CHRM2: variants seen among roughly 807,000 people sequenced by gnomAD.
CHRM2 encodes the protein muscarinic acetylcholine receptor M2.
Under a neutral mutation model 25.0 loss-of-function variants are expected in CHRM2, and 8 were observed. That is an observed-to-expected ratio of 0.32 (90% CI 0.19 to 0.58). The LOEUF (loss-of-function observed/expected upper bound fraction) is 0.58. Ranked by LOEUF, CHRM2 falls within the 20% of genes least tolerant of loss-of-function variation. The pLI, the probability that CHRM2 is intolerant of heterozygous loss-of-function variation, is 0.88. For synonymous variants in CHRM2, 202 were observed against 205.7 expected, an observed-to-expected ratio of 0.98 and a Z score of 0.15; for missense variants, 440 against 567.1, an observed-to-expected ratio of 0.78 and a Z score of 2.28.
intron 2 of CHRM2, among the ~76,000 whole-genome samples, chr7:136,955,005 C>T (rs1003442874): frequency 6.6e-6 from 1 of 152,084 alleles, no homozygotes; most frequent in Non-Finnish European, 1.5e-5. Context: ...GTATTAATAC[C>T]CCTACTAGTA....
intron 2 of CHRM2, among the ~76,000 whole-genome samples, chr7:136,990,930 T>G (rs1177869316): frequency 1.3e-5 from 2 of 152,148 alleles, no homozygotes; most frequent in African/African-American, 2.4e-5. Flanking sequence ...AAATGTGTAG[T>G]AGTTATCTCA....
At chr7:137,006,192 C>T (rs1186171266) in intron 3 of CHRM2, among the ~76,000 whole-genome samples, 2 of 152,088 alleles carry the variant, frequency 1.3e-5, no homozygotes, top group Non-Finnish European at 2.9e-5. Context: ...GATGGAATTT[C>T]ATTTTTAAAA....
intron 2 of CHRM2, among the ~76,000 whole-genome samples, chr7:136,924,866 G>A (rs35061417): frequency 0.061 from 9,272 of 152,150 alleles, 418 homozygotes; most frequent in Non-Finnish European, 0.089. Context: ...TCTTCTGGGC[G>A]TAACACAGAG....
intron 2 of CHRM2, among the ~76,000 whole-genome samples, chr7:136,990,796 G>GAATT (rs1453703595): frequency 3.3e-5 from 5 of 152,200 alleles, no homozygotes; most frequent in South Asian, 4.1e-4. Context: ...AGAAACCACT[G>GAATT]AATTATCTTC....
intron 2 of CHRM2, among the ~76,000 whole-genome samples, chr7:136,959,125 C>T (rs1800907008): frequency 6.6e-6 from 1 of 152,198 alleles, no homozygotes; most frequent in Admixed American, 6.5e-5. Flanking sequence ...TCACCTTTCT[C>T]TTATCTCCTT....
chr7:136,999,318 C>A (rs928742630), intron 3 of CHRM2, among the ~76,000 whole-genome samples: 1 of 152,100 alleles, frequency 6.6e-6, no homozygotes, highest in African/African-American at 2.4e-5. Flanking sequence ...ACCACCATGG[C>A]ACACGTTTAT....
intron 2 of CHRM2, chr7:136,903,172 G>C (rs531611754): frequency 1.9e-6 from 1 of 534,142 alleles, no homozygotes; most frequent in African/African-American, 1.9e-5. Flanking sequence ...CTTTATGGAG[G>C]CCTTGCTGGT....
intron 2 of CHRM2, among the ~76,000 whole-genome samples, chr7:136,974,206 G>A (rs183504998): frequency 7.0e-4 from 106 of 152,240 alleles, no homozygotes; most frequent in African/African-American, 2.2e-3. Context: ...CACAGAGAGG[G>A]ATATCATGAT....
chr7:136,902,440 G>C (rs1698961341), intron 2 of CHRM2: 1 of 151,990 alleles, frequency 6.6e-6, no homozygotes, highest in Admixed American at 6.6e-5. Context: ...CTTTTTATCT[G>C]TCTCTTTCTA....
intron 2 of CHRM2, among the ~76,000 whole-genome samples, chr7:136,915,069 G>T (rs946414745): frequency 6.6e-6 from 1 of 151,754 alleles, no homozygotes; most frequent in African/African-American, 2.4e-5. Context: ...ACTTTTAGGA[G>T]TTAGCATCAT....
chr7:136,914,832 A>G (rs1015802639), intron 2 of CHRM2, among the ~76,000 whole-genome samples: 1 of 151,952 alleles, frequency 6.6e-6, no homozygotes, highest in African/African-American at 2.4e-5. Flanking sequence ...AATTACATAC[A>G]AATGTTTGTT....
chr7:136,933,031 A>AAAAT (rs576034444), intron 2 of CHRM2, among the ~76,000 whole-genome samples: 2,947 of 146,406 alleles, frequency 0.02, 40 homozygotes, highest in African/African-American at 0.027. Flanking sequence ...CTCTGTTTCA[A>AAAAT]AAATAAATAA....
intron 3 of CHRM2, among the ~76,000 whole-genome samples, chr7:137,000,571 G>GGAAGGAAGGAAA (rs1554434095): frequency 6.7e-6 from 1 of 148,674 alleles, no homozygotes; most frequent in African/African-American, 2.5e-5. Context: ...AAGGAAGGAA[G>GGAAGGAAGGAAA]GAAGGAAGGA....
intron 2 of CHRM2, among the ~76,000 whole-genome samples, chr7:136,975,691 T>C (rs1370211369): frequency 6.6e-6 from 1 of 152,244 alleles, no homozygotes; most frequent in Non-Finnish European, 1.5e-5. Context: ...AAGAGTGCTA[T>C]AAGATTTCCA....
At position 137,016,322 on chromosome 7, in the gene CHRM2, G is replaced by A. The variant is rs994749192; in HGVS notation, c.*56G>A. ...AGGGGAGCTTGAGAAGAATAAAAGG[G>A]ATAAACGAGCTCCTAGTTTTAAAAT... On this transcript the variant is annotated 3_prime_UTR_variant, in exon 4 of 4. Coordinates refer to ENST00000680005, the MANE Select transcript of CHRM2 (RefSeq NM_001006630.2). 2.0e-6 allele frequency: 3 copies of A among 1,524,456 alleles called. No homozygotes were observed. Among genetic ancestry groups the A allele is most frequent in the Non-Finnish European group, 2.7e-6 (3 of 1,100,646 alleles). 94.4% of individuals were successfully genotyped at this position (1,524,456 alleles called of 1,614,324 possible). A position where few individuals can be genotyped will look rare whatever the true frequency, so the allele number is the denominator to read the frequency against.
chr7:136,948,988 G>A (rs377420329), intron 2 of CHRM2, among the ~76,000 whole-genome samples: 112 of 152,282 alleles, frequency 7.4e-4, no homozygotes, highest in Admixed American at 1.4e-3. Flanking sequence ...TGAAGGGGGC[G>A]TGATAGAAGG....
rs951627425 is a variant in CHRM2 at position 136,944,464 on chromosome 7, T to C, written c.-124-47723T>C. Among the ~76,000 whole-genome samples, 7 of 84,210 alleles carry C rather than the reference T, an allele frequency of 8.3e-5. No homozygotes were observed. The South Asian group carries it at 8.5e-4, about 10-fold the overall frequency. The allele number at this position is 84,210 out of a possible 152,430, so 55.2% of individuals were successfully genotyped here. On this transcript the variant is annotated intron_variant, in intron 2 of 3. Transcript: ENST00000680005. ...ATGGCTGAGTCATATTCCATATATG[T>C]ATGTATGTATGTGTGTGTGTGTGTA...
chr7:136,941,788 G>A (rs931928872), intron 2 of CHRM2, among the ~76,000 whole-genome samples: 3 of 152,182 alleles, frequency 2.0e-5, no homozygotes, highest in African/African-American at 7.2e-5. Flanking sequence ...GGGAGAAGAG[G>A]TATCCTTGTG....
intron 2 of CHRM2, among the ~76,000 whole-genome samples, chr7:136,901,214 G>A (rs1446785679): frequency 1.3e-5 from 2 of 152,000 alleles, no homozygotes; most frequent in Non-Finnish European, 2.9e-5. Flanking sequence ...CCAGGCATGT[G>A]AGAATTACGT....
Sources: gnomAD v4.1 joint callset for allele counts (sites outside exome capture counted in the v4.1 genomes callset) on GRCh38, gnomAD v4.1.1 for gene constraint, MANE v1.5 for transcripts, NCBI Gene and HGNC (gene_info 2026-07-23, HGNC 2026-07-21) for gene names.